The following PLCL2 variants were observed in gnomAD, a reference collection of about 807,000 sequenced individuals.
The protein encoded by PLCL2 is phospholipase C like 2.
PLCL2 carries 4 observed loss-of-function variants against 79.6 expected under a neutral mutation model. The ratio of observed to expected loss-of-function variants is 0.05; its 90% CI spans 0.02 to 0.11. The LOEUF is 0.11. PLCL2 is among the 10% of genes least tolerant of loss of function. PLCL2 has a pLI of 1.00. For synonymous variants in PLCL2, 484 were observed against 457.7 expected, an observed-to-expected ratio of 1.06 and a Z score of -0.73; for missense variants, 895 against 1,291.0, an observed-to-expected ratio of 0.69 and a Z score of 4.70.
At chr3:16,937,491 G>T (rs767041710) in intron 1 of PLCL2, among the ~76,000 whole-genome samples, 1 of 152,176 alleles carries the variant, frequency 6.6e-6, no homozygotes, top group African/African-American at 2.4e-5. Context: ...GTTATTTGCT[G>T]TGCTAATAGC....
chr3:16,904,101 T>C (rs1199427819), intron 1 of PLCL2, among the ~76,000 whole-genome samples: 1 of 152,202 alleles, frequency 6.6e-6, no homozygotes, highest in African/African-American at 2.4e-5. Flanking sequence ...AGATGTTGGG[T>C]AGCTAATCTG....
At chr3:16,978,041 G>A (rs1038546185) in intron 1 of PLCL2, among the ~76,000 whole-genome samples, 3 of 152,138 alleles carry the variant, frequency 2.0e-5, no homozygotes, top group African/African-American at 7.2e-5. Context: ...TATCACATTG[G>A]GGATTAGGTT....
chr3:16,957,825 T>G (rs1054958854), intron 1 of PLCL2, among the ~76,000 whole-genome samples: 1 of 152,212 alleles, frequency 6.6e-6, no homozygotes, highest in Non-Finnish European at 1.5e-5. Flanking sequence ...GTTTAAAGTC[T>G]GTTTTATCAG....
At chr3:16,931,879 A>T (rs1276291005) in intron 1 of PLCL2, among the ~76,000 whole-genome samples, 1 of 152,176 alleles carries the variant, frequency 6.6e-6, no homozygotes, top group Non-Finnish European at 1.5e-5. Context: ...ATTGAGATAC[A>T]ATCCCCAGTG....
At chr3:16,922,905 G>A (rs2124936053) in intron 1 of PLCL2, among the ~76,000 whole-genome samples, 1 of 152,026 alleles carries the variant, frequency 6.6e-6, no homozygotes, top group East Asian at 1.9e-4. Flanking sequence ...GCAAAATAGT[G>A]CATATGAAAC....
chr3:17,028,978 C>T (rs1279711006), intron 3 of PLCL2, among the ~76,000 whole-genome samples: 1 of 152,102 alleles, frequency 6.6e-6, no homozygotes, highest in East Asian at 1.9e-4. Context: ...CCCATATGTC[C>T]CTGTATTCCC....
intron 1 of PLCL2, among the ~76,000 whole-genome samples, chr3:16,963,763 T>C (rs1404331669): frequency 1.3e-5 from 2 of 152,132 alleles, no homozygotes; most frequent in East Asian, 3.8e-4. Flanking sequence ...AATGAGTTAA[T>C]TGAGGCTTGA....
At chr3:16,942,578 A>G (rs963704544) in intron 1 of PLCL2, among the ~76,000 whole-genome samples, 5 of 152,206 alleles carry the variant, frequency 3.3e-5, no homozygotes, top group Admixed American at 1.3e-4. Context: ...CTGTCCTAGC[A>G]GGGAGCCAGA....
chr3:16,980,450 C>A (rs1442572135), intron 1 of PLCL2, among the ~76,000 whole-genome samples: 2 of 150,980 alleles, frequency 1.3e-5, no homozygotes, highest in Non-Finnish European at 3.0e-5. Context: ...GGTCTCCTCA[C>A]TTCTCAGACG....
At chr3:16,957,441 A>G (rs1383339242) in intron 1 of PLCL2, among the ~76,000 whole-genome samples, 1 of 152,112 alleles carries the variant, frequency 6.6e-6, no homozygotes, top group Non-Finnish European at 1.5e-5. Flanking sequence ...GGAGTGCTTT[A>G]CTTCCAAGTA....
intron 1 of PLCL2, among the ~76,000 whole-genome samples, chr3:16,965,456 A>C (rs1341858140): frequency 1.3e-5 from 2 of 152,012 alleles, no homozygotes; most frequent in Non-Finnish European, 2.9e-5. Context: ...AGGTAGCGTG[A>C]TGCCTCCAGC....
chr3:16,957,108 T>C (rs539233241), intron 1 of PLCL2, among the ~76,000 whole-genome samples: 13 of 152,314 alleles, frequency 8.5e-5, no homozygotes, highest in Admixed American at 3.9e-4. Context: ...CTAGTTCTTT[T>C]AATTGTGATG....
At chr3:16,898,976 C>T (rs1309113736) in intron 1 of PLCL2, among the ~76,000 whole-genome samples, 2 of 152,208 alleles carry the variant, frequency 1.3e-5, no homozygotes, top group Non-Finnish European at 2.9e-5. Flanking sequence ...GGCCATTTGG[C>T]AGTAATACTT....
intron 1 of PLCL2, among the ~76,000 whole-genome samples, chr3:16,936,175 A>G (rs990913396): frequency 1.3e-5 from 2 of 152,260 alleles, no homozygotes; most frequent in African/African-American, 4.8e-5. Flanking sequence ...AGTCCTGGAC[A>G]TTTATCATTT....
chr3:16,915,130 A>C (rs2124930445), intron 1 of PLCL2, among the ~76,000 whole-genome samples: 1 of 152,370 alleles, frequency 6.6e-6, no homozygotes, highest in South Asian at 2.1e-4. Flanking sequence ...TGTTGGAACA[A>C]ATCAATTAAA....
chr3:16,978,334 T>C (rs1486155647), intron 1 of PLCL2, among the ~76,000 whole-genome samples: 1 of 152,272 alleles, frequency 6.6e-6, no homozygotes, highest in Admixed American at 6.5e-5. Context: ...CTTATGTATC[T>C]GTGGTCCTCA....
Position 17,090,171 on chromosome 3 carries a change from A to C in PLCL2, c.*259A>C, listed in dbSNP as rs1233473146. The C allele has an allele frequency of 8.7e-7, 1 of 1,143,302 alleles. No homozygotes were observed. Among genetic ancestry groups the C allele is most frequent in the Non-Finnish European group, 1.1e-6 (1 of 931,154 alleles). The allele number at this position is 1,143,302 out of a possible 1,614,324, so 70.8% of individuals were successfully genotyped here. On this transcript the variant is annotated 3_prime_UTR_variant, in exon 6 of 6. Coordinates refer to ENST00000615277, the MANE Select transcript of PLCL2 (RefSeq NM_001144382.2). ...TACAAAGACATTCTAACTCAGTTCC[A>C]GTATGAAGAAAGATTATTCACTCTA...
chr3:17,046,701 G>T (rs1190937853), intron 4 of PLCL2, among the ~76,000 whole-genome samples: 1 of 152,130 alleles, frequency 6.6e-6, no homozygotes, highest in African/African-American at 2.4e-5. Flanking sequence ...CAAAATTCTA[G>T]AAACTGAGTA....
intron 3 of PLCL2, among the ~76,000 whole-genome samples, chr3:17,022,169 T>C (rs902442147): frequency 6.6e-6 from 1 of 152,212 alleles, no homozygotes; most frequent in Non-Finnish European, 1.5e-5. Context: ...GTAGAAAATA[T>C]GAATATATCT....
Sources: allele counts gnomAD v4.1 joint callset (sites outside exome capture counted in the v4.1 genomes callset), GRCh38; gene constraint gnomAD v4.1.1; transcripts MANE v1.5; gene names NCBI Gene and HGNC (gene_info 2026-07-23, HGNC 2026-07-21).